The following CDH13 variants were observed in gnomAD, a reference collection of about 807,000 sequenced individuals.
CDH13 encodes the protein cadherin 13.
CDH13 carries 24 observed loss-of-function variants against 63.8 expected under a neutral mutation model. That is an observed-to-expected ratio of 0.38 (90% CI 0.27 to 0.53). CDH13 has a LOEUF of 0.53. Among genes scored for constraint, CDH13 ranks in the 20% least tolerant of loss-of-function variants. The probability of loss-of-function intolerance (pLI) is 0.85; values close to 1 mark genes in which losing one functional copy is unlikely to be tolerated. For synonymous variants in CDH13, 503 were observed against 355.3 expected (o/e 1.42, Z -4.67); for missense variants, 1,049 against 903.1 (o/e 1.16, Z -2.07).
chr16:82,975,997 C>A (rs77029029), intron 2 of CDH13, among the ~76,000 whole-genome samples: 1 of 152,076 alleles, frequency 6.6e-6, no homozygotes, highest in Non-Finnish European at 1.5e-5. Flanking sequence ...GCATAAACGA[C>A]GGAAAACAGC....
At chr16:82,894,844 C>A (rs1422608127) in intron 2 of CDH13, among the ~76,000 whole-genome samples, 1 of 152,044 alleles carries the variant, frequency 6.6e-6, no homozygotes, top group Non-Finnish European at 1.5e-5. Flanking sequence ...TGTGCTCTAA[C>A]CAGAGAGGAA....
At chr16:83,078,899 A>G (rs912971836) in intron 3 of CDH13, among the ~76,000 whole-genome samples, 2 of 152,070 alleles carry the variant, frequency 1.3e-5, no homozygotes, top group East Asian at 1.9e-4. Context: ...GGTTCCAGCA[A>G]TTCTCCTGCC....
intron 6 of CDH13, among the ~76,000 whole-genome samples, chr16:83,447,096 C>CT (rs750432481): frequency 0.054 from 2,222 of 41,314 alleles, 196 homozygotes; most frequent in Non-Finnish European, 0.064. Flanking sequence ...TTATAGTAAC[C>CT]TTTTTTTTTT....
At chr16:83,579,219 G>A (rs1905313645) in intron 7 of CDH13, among the ~76,000 whole-genome samples, 1 of 152,190 alleles carries the variant, frequency 6.6e-6, no homozygotes, top group African/African-American at 2.4e-5. Flanking sequence ...AGAGATCCTG[G>A]CTGGACTAGG....
At chr16:83,379,400 C>A (rs190255349) in intron 6 of CDH13, among the ~76,000 whole-genome samples, 67 of 152,062 alleles carry the variant, frequency 4.4e-4, no homozygotes, top group African/African-American at 1.6e-3. Context: ...GGTGGAGAGA[C>A]GGATGAGTGG....
intron 3 of CDH13, among the ~76,000 whole-genome samples, chr16:83,090,565 C>G (rs983031891): frequency 8.0e-6 from 1 of 124,866 alleles, no homozygotes; most frequent in South Asian, 2.8e-4. Flanking sequence ...CAAAGCGAAA[C>G]TGCATCTCAA....
In CDH13 at chr16:83,593,275, G is replaced by A. The variant is rs60191172; in HGVS notation, c.961-9179G>A. 2.2e-3 allele frequency among the ~76,000 whole-genome samples: 339 copies of A among 152,242 alleles called. 2 individuals carry two copies. Among genetic ancestry groups the A allele is most frequent in the African/African-American group, 7.8e-3 (323 of 41,532 alleles). ...GCTCATGTTAATGTTTCTCATTAACGATACCTTAAATGTTAGACTAGAAAG... is the reference window on the plus strand; with the variant it reads ...GCTCATGTTAATGTTTCTCATTAACAATACCTTAAATGTTAGACTAGAAAG... On this transcript the variant is annotated intron_variant, in intron 7 of 13. Coordinates refer to ENST00000567109, the MANE Select transcript of CDH13 (RefSeq NM_001257.5).
intron 1 of CDH13, among the ~76,000 whole-genome samples, chr16:82,734,305 T>C (rs2033556957): frequency 6.6e-6 from 1 of 152,204 alleles, no homozygotes; most frequent in Admixed American, 6.5e-5. Flanking sequence ...ACTTAAATGT[T>C]TACTATTTGG....
chr16:83,319,224 G>A (rs1397414368), intron 5 of CDH13, among the ~76,000 whole-genome samples: 1 of 152,086 alleles, frequency 6.6e-6, no homozygotes, highest in Non-Finnish European at 1.5e-5. Flanking sequence ...ACCTACTAAT[G>A]TAATAATTTC....
At chr16:83,029,193 A>G (rs1487802593) in intron 2 of CDH13, among the ~76,000 whole-genome samples, 1 of 152,198 alleles carries the variant, frequency 6.6e-6, no homozygotes, top group Admixed American at 6.5e-5. Flanking sequence ...TATCACCCTA[A>G]GTATCATCTT....
rs745905388 is a variant in CDH13, at chr16:83,137,368, G to A, written c.483+11867G>A. Among the ~76,000 whole-genome samples, 46 of 152,212 alleles carry A rather than the reference G, an allele frequency of 3.0e-4. 1 individual carries two copies. Among genetic ancestry groups the A allele is most frequent in the Non-Finnish European group, 5.4e-4 (37 of 68,042 alleles). ...GTCCCAGTTCTACCTGGAAAATGAG[G>A]AAGGGAGTGATAAAATTCTCTGTGA... On this transcript the variant is annotated intron_variant, in intron 4 of 13. Coordinates refer to ENST00000567109, the MANE Select transcript of CDH13 (RefSeq NM_001257.5).
At position 82,760,784 on chromosome 16, in the gene CDH13, C is replaced by T. The variant is rs184983074; in HGVS notation, c.46-97578C>T. On this transcript the variant is annotated intron_variant, in intron 1 of 13. Coordinates refer to ENST00000567109, the MANE Select transcript of CDH13 (RefSeq NM_001257.5). ...GTGAGGGCCTCAGGCAGTTTACAAT[C>T]ATGGTGTAAGGTGAAGGGGGAGCAG... Among the ~76,000 whole-genome samples the T allele has an allele frequency of 4.8e-3, 723 of 152,132 alleles. 2 individuals carry two copies. The highest frequency in any genetic ancestry group is 7.9e-3 in the Non-Finnish European group (536 of 68,008).
intron 1 of CDH13, among the ~76,000 whole-genome samples, chr16:82,743,127 A>C (rs529066857): frequency 6.6e-6 from 1 of 152,236 alleles, no homozygotes; most frequent in Non-Finnish European, 1.5e-5. Context: ...TTATTTTGGA[A>C]ATGATTTTTA....
intron 5 of CDH13, among the ~76,000 whole-genome samples, chr16:83,220,456 C>G (rs74034414): frequency 6.6e-6 from 1 of 152,074 alleles, no homozygotes; most frequent in Non-Finnish European, 1.5e-5. Flanking sequence ...AGAGGAGAAT[C>G]CTGGGTCTCC....
At chr16:82,867,405 A>C (rs1170474495) in intron 2 of CDH13, among the ~76,000 whole-genome samples, 1 of 152,170 alleles carries the variant, frequency 6.6e-6, no homozygotes, top group East Asian at 1.9e-4. Flanking sequence ...TTCATAGCCA[A>C]GCTCATCCTG....
At chr16:83,766,843 ATGAG>A (rs1914422164) in intron 11 of CDH13, among the ~76,000 whole-genome samples, 1 of 151,568 alleles carries the variant, frequency 6.6e-6, no homozygotes, top group Non-Finnish European at 1.5e-5. Context: ...TCTCATGGTA[ATGAG>A]TGAGTCTCAC....
intron 2 of CDH13, among the ~76,000 whole-genome samples, chr16:83,025,125 C>T (rs1915680234): frequency 6.6e-6 from 1 of 152,190 alleles, no homozygotes; most frequent in Admixed American, 6.5e-5. Context: ...TAATGGTGAT[C>T]ATTCTCATTC....
intron 4 of CDH13, among the ~76,000 whole-genome samples, chr16:83,127,535 T>A (rs1417479252): frequency 3.9e-5 from 6 of 152,032 alleles, no homozygotes; most frequent in African/African-American, 7.2e-5. Flanking sequence ...TTCAAGACCA[T>A]CCTGGCCAAC....
intron 1 of CDH13, among the ~76,000 whole-genome samples, chr16:82,747,068 A>G (rs994333366): frequency 4.6e-5 from 7 of 152,212 alleles, no homozygotes; most frequent in African/African-American, 1.7e-4. Context: ...ATTGATACAA[A>G]CAAGTAGAAA....
Sources: allele counts gnomAD v4.1 joint callset (sites outside exome capture counted in the v4.1 genomes callset), GRCh38; gene constraint gnomAD v4.1.1; transcripts MANE v1.5; gene names NCBI Gene and HGNC (gene_info 2026-07-23, HGNC 2026-07-21).